DPP6: variants seen among roughly 807,000 people sequenced by gnomAD.
The protein encoded by DPP6 is dipeptidyl peptidase like 6, also known as A-type potassium channel modulatory protein DPP6.
DPP6 carries 69 observed loss-of-function variants against 122.6 expected under a neutral mutation model. The observed-to-expected ratio is 0.56, with a 90% confidence interval of 0.46 to 0.69. The LOEUF (loss-of-function observed/expected upper bound fraction) is 0.69, where lower values mean the gene tolerates loss of function less well. Among genes scored for constraint, DPP6 ranks in the 30% least tolerant of loss-of-function variants. DPP6 has a pLI of 0.00. For missense variants in DPP6, 928 were observed against 1,116.9 expected (o/e 0.83, Z 2.41); for synonymous variants, 418 against 433.1 (o/e 0.97, Z 0.43).
chr7:153,944,309 GT>G lies in DPP6; in HGVS notation c.51+56578del, dbSNP rs201010534. On this transcript the variant is annotated intron_variant, in intron 1 of 25. Coordinates refer to the DPP6 transcript ENST00000404039. ...CACTAGAGTGAGTTCTTTTTTGGCA[GT>G]TTGTTTGAACATATACTCACCCGAG... Among the ~76,000 whole-genome samples, 1,184 of 152,266 alleles carry G rather than the reference GT, an allele frequency of 7.8e-3. 19 individuals are homozygous for G. Among genetic ancestry groups the G allele is most frequent in the African/African-American group, 0.027 (1,130 of 41,558 alleles).
At chr7:154,817,173 G>T (rs1799474356) in intron 16 of DPP6, among the ~76,000 whole-genome samples, 1 of 152,158 alleles carries the variant, frequency 6.6e-6, no homozygotes, top group South Asian at 2.1e-4. Flanking sequence ...TCTTCCCCAG[G>T]TTTTAGTCAG....
chr7:154,414,570 C>A (rs1280347105), intron 1 of DPP6, among the ~76,000 whole-genome samples: 1 of 152,186 alleles, frequency 6.6e-6, no homozygotes. Context: ...TTCCAAATAA[C>A]CTACATGTTA....
At chr7:153,991,123 CTG>C (rs981084362) in intron 1 of DPP6, among the ~76,000 whole-genome samples, 1 of 152,148 alleles carries the variant, frequency 6.6e-6, no homozygotes, top group African/African-American at 2.4e-5. Context: ...GGCCAGGAGA[CTG>C]TGGTCGTCAG....
At chr7:153,888,811 G>A (rs369580371) in intron 1 of DPP6, among the ~76,000 whole-genome samples, 2 of 147,648 alleles carry the variant, frequency 1.4e-5, no homozygotes, top group South Asian at 2.1e-4. Flanking sequence ...TGAGGGTTCC[G>A]TAAGAATTGA....
chr7:154,049,667 A>G (rs1800197377), upstream of DPP6, among the ~76,000 whole-genome samples: 1 of 144,516 alleles, frequency 6.9e-6, no homozygotes, highest in Admixed American at 6.9e-5. Context: ...GGCTCATTGC[A>G]ACCTCCGCCT....
intron 1 of DPP6, among the ~76,000 whole-genome samples, chr7:154,283,341 G>T (rs916152093): frequency 6.6e-6 from 1 of 152,180 alleles, no homozygotes; most frequent in East Asian, 1.9e-4. Context: ...TATCTGTAAA[G>T]TGAGGATACA....
chr7:154,097,443 A>G (rs1204738359), intron 1 of DPP6, among the ~76,000 whole-genome samples: 1 of 152,282 alleles, frequency 6.6e-6, no homozygotes, highest in Admixed American at 6.5e-5. Flanking sequence ...TTGCTCCAGC[A>G]TAGCTGGACA....
At chr7:153,837,955 T>A in the DPP6 span, among the ~76,000 whole-genome samples, 3 of 150,396 alleles carry the variant, frequency 2.0e-5, no homozygotes, top group Non-Finnish European at 4.4e-5. Flanking sequence ...ATTACAGGTG[T>A]GAGCCACCAT....
At chr7:154,308,404 G>C (rs1249272027) in intron 1 of DPP6, among the ~76,000 whole-genome samples, 1 of 152,036 alleles carries the variant, frequency 6.6e-6, no homozygotes, top group East Asian at 1.9e-4. Flanking sequence ...AAGGAGAATT[G>C]GCTTCTGGGA....
chr7:153,775,285 A>G, the DPP6 span, among the ~76,000 whole-genome samples: 11 of 145,826 alleles, frequency 7.5e-5, no homozygotes, highest in African/African-American at 1.3e-4. Context: ...TAGAGCAAAC[A>G]AGAAAACTAT....
chr7:154,169,703 CT>C lies in DPP6; in HGVS notation c.243+116641del, dbSNP rs1416221631. ...GGAGCTATGTATCTTGTCCAAGGTC[CT>C]GTAATAGCTAATAAGTAAAAGAGCC... On this transcript the variant is annotated intron_variant, in intron 1 of 25. Transcript: ENST00000377770. 2.6e-5 allele frequency among the ~76,000 whole-genome samples: 4 copies of C among 152,138 alleles called. No homozygotes were observed. The South Asian group carries it at 8.3e-4, about 32-fold the overall frequency.
intron 2 of DPP6, among the ~76,000 whole-genome samples, chr7:154,464,631 C>T (rs1199068243): frequency 6.6e-6 from 1 of 152,162 alleles, no homozygotes; most frequent in Non-Finnish European, 1.5e-5. Flanking sequence ...AACTGAACAA[C>T]TTTTCTTGAG....
At chr7:153,764,465 T>C in the DPP6 span, among the ~76,000 whole-genome samples, 1 of 152,152 alleles carries the variant, frequency 6.6e-6, no homozygotes, top group Admixed American at 6.5e-5. Flanking sequence ...AATTTCTCAC[T>C]TCTCCAAGGT....
intron 1 of DPP6, among the ~76,000 whole-genome samples, chr7:154,070,364 T>C (rs919426691): frequency 6.6e-6 from 1 of 151,982 alleles, no homozygotes; most frequent in Admixed American, 6.6e-5. Flanking sequence ...ATTTTCTCCT[T>C]TAAAAAGTGA....
chr7:154,801,797 C>T (rs1207148145), intron 13 of DPP6, among the ~76,000 whole-genome samples: 1 of 152,076 alleles, frequency 6.6e-6, no homozygotes, highest in East Asian at 1.9e-4. Flanking sequence ...TGAGGGTCTC[C>T]TTAACATACT....
chr7:154,239,404 C>T (rs1801425627), intron 1 of DPP6, among the ~76,000 whole-genome samples: 1 of 152,164 alleles, frequency 6.6e-6, no homozygotes, highest in Non-Finnish European at 1.5e-5. Context: ...ACCAGCCCTT[C>T]CTCTTCCTCC....
At chr7:154,462,911 A>G (rs556153149) in intron 2 of DPP6, among the ~76,000 whole-genome samples, 158 of 149,650 alleles carry the variant, frequency 1.1e-3, no homozygotes, top group African/African-American at 3.8e-3. Context: ...CACTGCTGGC[A>G]TATAGAAATA....
intron 1 of DPP6, among the ~76,000 whole-genome samples, chr7:153,965,284 G>A (rs1289179774): frequency 6.6e-6 from 1 of 151,902 alleles, no homozygotes; most frequent in Non-Finnish European, 1.5e-5. Context: ...ATAATATTAT[G>A]GTGTCTCTGC....
intron 3 of DPP6, among the ~76,000 whole-genome samples, chr7:154,504,307 A>T (rs12536600): frequency 0.029 from 4,395 of 152,298 alleles, 116 homozygotes; most frequent in East Asian, 0.12. Flanking sequence ...GCATGAAGAC[A>T]GTTACTGTCT....
Sources: gnomAD v4.1 joint callset for allele counts (sites outside exome capture counted in the v4.1 genomes callset) on GRCh38, gnomAD v4.1.1 for gene constraint, MANE v1.5 for transcripts, NCBI Gene and HGNC (gene_info 2026-07-23, HGNC 2026-07-21) for gene names.